Variants in RBFOX1 observed in about 807,000 individuals in gnomAD.
RBFOX1 encodes the protein RNA binding fox-1 homolog 1.
RBFOX1 carries 8 observed loss-of-function variants against 57.7 expected under a neutral mutation model. That is an observed-to-expected ratio of 0.14 (90% CI 0.08 to 0.25). The LOEUF is 0.25. Among genes scored for constraint, RBFOX1 ranks in the 10% least tolerant of loss-of-function variants. RBFOX1 has a pLI of 1.00. For missense variants in RBFOX1, 611 were observed against 548.5 expected, an observed-to-expected ratio of 1.11 and a Z score of -1.14; for synonymous variants, 326 against 222.4, an observed-to-expected ratio of 1.47 and a Z score of -4.15.
At chr16:6,477,075 C>T (rs1481778788) in intron 2 of RBFOX1, among the ~76,000 whole-genome samples, 1 of 152,162 alleles carries the variant, frequency 6.6e-6, no homozygotes, top group East Asian at 1.9e-4. Flanking sequence ...TAGCTATTTC[C>T]TCCACATTTC....
intron 1 of RBFOX1, among the ~76,000 whole-genome samples, chr16:5,411,423 A>T (rs1658264039): frequency 6.6e-6 from 1 of 152,152 alleles, no homozygotes; most frequent in African/African-American, 2.4e-5. Flanking sequence ...GGCTTCTAGA[A>T]GTCGGAAATG....
chr16:5,551,854 T>C (rs1198724388), intron 2 of RBFOX1, among the ~76,000 whole-genome samples: 2 of 147,824 alleles, frequency 1.4e-5, no homozygotes, highest in Non-Finnish European at 3.0e-5. Flanking sequence ...TGTGTTCTCG[T>C]TGTTCAACTC....
chr16:7,296,953 A>C (rs114205986), intron 4 of RBFOX1, among the ~76,000 whole-genome samples: 3,848 of 152,242 alleles, frequency 0.025, 171 homozygotes, highest in African/African-American at 0.087. Context: ...TGTAAAGGTA[A>C]ATGCAGACAT....
At chr16:7,617,298 C>T (rs932258557) in intron 10 of RBFOX1, among the ~76,000 whole-genome samples, 1 of 152,128 alleles carries the variant, frequency 6.6e-6, no homozygotes, top group African/African-American at 2.4e-5. Context: ...AATAAATGGG[C>T]ATGATTGTTT....
intron 4 of RBFOX1, among the ~76,000 whole-genome samples, chr16:7,440,877 T>C (rs983302684): frequency 2.0e-5 from 3 of 152,114 alleles, no homozygotes; most frequent in Non-Finnish European, 2.9e-5. Flanking sequence ...ACTTCTGATA[T>C]AGTACAGCTC....
chr16:7,205,760 GC>G (rs1211048191), intron 4 of RBFOX1, among the ~76,000 whole-genome samples: 1 of 152,208 alleles, frequency 6.6e-6, no homozygotes, highest in East Asian at 1.9e-4. Context: ...TTTGAAAAGG[GC>G]AAAAGTGAGT....
intron 5 of RBFOX1, among the ~76,000 whole-genome samples, chr16:7,539,682 C>A (rs1386766357): frequency 6.6e-6 from 1 of 152,124 alleles, no homozygotes; most frequent in Non-Finnish European, 1.5e-5. Context: ...CTGTTTCTGG[C>A]CACAAAGGAC....
intron 4 of RBFOX1, among the ~76,000 whole-genome samples, chr16:7,484,228 C>G (rs1416684454): frequency 6.6e-6 from 1 of 152,168 alleles, no homozygotes; most frequent in Non-Finnish European, 1.5e-5. Flanking sequence ...ATGTGTTTAT[C>G]CATTCACCAG....
intron 2 of RBFOX1, among the ~76,000 whole-genome samples, chr16:5,539,980 C>T (rs1013195534): frequency 6.6e-6 from 1 of 152,114 alleles, no homozygotes; most frequent in Non-Finnish European, 1.5e-5. Context: ...GGAAAAAGTA[C>T]ATTTTAGCAT....
At chr16:5,301,014 T>C (rs774431978) in intron 1 of RBFOX1, among the ~76,000 whole-genome samples, 1 of 152,216 alleles carries the variant, frequency 6.6e-6, no homozygotes, top group African/African-American at 2.4e-5. Flanking sequence ...TCCAGTAGCC[T>C]CTGCCTCTTG....
At chr16:7,579,450 T>A (rs1382825763) in intron 5 of RBFOX1, among the ~76,000 whole-genome samples, 1 of 152,080 alleles carries the variant, frequency 6.6e-6, no homozygotes, top group East Asian at 1.9e-4. Context: ...TCCTTTGCTT[T>A]TTCTAGCCTA....
rs1305617318 is a variant in RBFOX1 at position 7,298,604 on chromosome 16, A to G, written c.28-219543A>G. On this transcript the variant is annotated intron_variant, in intron 4 of 15. Coordinates refer to ENST00000550418, the MANE Select transcript of RBFOX1 (RefSeq NM_018723.4). ...AACATGCCCAGCCCAAAATTTGTGT[A>G]TAAGTTTTGATTCCCCCAAAACTAT... 3.9e-5 allele frequency among the ~76,000 whole-genome samples: 6 copies of G among 152,200 alleles called. No homozygotes were observed. The East Asian group carries it at 7.7e-4, about 20-fold the overall frequency.
chr16:7,110,537 A>T (rs2064529847), intron 4 of RBFOX1, among the ~76,000 whole-genome samples: 1 of 152,164 alleles, frequency 6.6e-6, no homozygotes, highest in South Asian at 2.1e-4. Flanking sequence ...TTAACAATAA[A>T]ATCTAAGAAC....
At chr16:6,422,025 A>G (rs750434949) in intron 2 of RBFOX1, among the ~76,000 whole-genome samples, 1 of 144,640 alleles carries the variant, frequency 6.9e-6, no homozygotes, top group Admixed American at 7.1e-5. Context: ...GATTCAGGCA[A>G]TTCTCCTGCC....
At chr16:6,941,326 C>CCTTCCTTT (rs1191366793) in intron 3 of RBFOX1, among the ~76,000 whole-genome samples, 1 of 134,228 alleles carries the variant, frequency 7.5e-6, no homozygotes, top group African/African-American at 2.8e-5. Flanking sequence ...TTCCTTCCTT[C>CCTTCCTTT]CTTCCTTCCT....
chr16:7,081,689 A>G (rs373684999), intron 4 of RBFOX1, among the ~76,000 whole-genome samples: 2 of 152,310 alleles, frequency 1.3e-5, no homozygotes, highest in African/African-American at 4.8e-5. Context: ...ATTATTGTCT[A>G]TATTTCATAA....
chr16:6,463,653 G>A (rs73540082), intron 2 of RBFOX1, among the ~76,000 whole-genome samples: 1,613 of 152,264 alleles, frequency 0.011, 31 homozygotes, highest in African/African-American at 0.037. Context: ...AACCAATGTC[G>A]TGAGCACCGG....
chr16:5,550,199 C>G (rs2045405613), intron 2 of RBFOX1, among the ~76,000 whole-genome samples: 2 of 152,168 alleles, frequency 1.3e-5, no homozygotes, highest in African/African-American at 4.8e-5. Flanking sequence ...GAGAAGCTTT[C>G]TAAAGGAGGT....
At chr16:6,886,932 A>T (rs889241871) in intron 3 of RBFOX1, among the ~76,000 whole-genome samples, 1 of 152,104 alleles carries the variant, frequency 6.6e-6, no homozygotes, top group African/African-American at 2.4e-5. Context: ...GTGGAAGCAA[A>T]ACCGTGTCTT....
Sources: gnomAD v4.1 joint callset for allele counts (sites outside exome capture counted in the v4.1 genomes callset) on GRCh38, gnomAD v4.1.1 for gene constraint, MANE v1.5 for transcripts, NCBI Gene and HGNC (gene_info 2026-07-23, HGNC 2026-07-21) for gene names.